The following ARHGAP29 variants were observed in gnomAD, a reference collection of about 807,000 sequenced individuals.
The protein encoded by ARHGAP29 is Rho GTPase activating protein 29, also known as rho GTPase-activating protein 29.
Under a neutral mutation model 122.6 loss-of-function variants are expected in ARHGAP29, and 43 were observed. That is an observed-to-expected ratio of 0.35 (90% CI 0.27 to 0.45). The LOEUF is 0.45. ARHGAP29 is among the 20% of genes least tolerant of loss of function. ARHGAP29 has a pLI of 1.00. For missense variants in ARHGAP29, 1,303 were observed against 1,477.2 expected, an observed-to-expected ratio of 0.88 and a Z score of 1.93; for synonymous variants, 506 against 497.1, an observed-to-expected ratio of 1.02 and a Z score of -0.24.
chr1:94,196,034 G>A (rs1191466766), intron 12 of ARHGAP29: 3 of 152,038 alleles, frequency 2.0e-5, no homozygotes, highest in East Asian at 1.9e-4. Flanking sequence ...ATATGTTGGA[G>A]ACTTCAAAAC....
At position 94,190,954 on chromosome 1, in the gene ARHGAP29, TTC is replaced by T. The variant is rs576532189; in HGVS notation, c.1282-873_1282-872del. 13 of 152,248 alleles carry T rather than the reference TTC, an allele frequency of 8.5e-5. No individual in the cohort carries two copies. The East Asian group carries it at 2.5e-3, about 29-fold the overall frequency. The allele number at this position is 152,248 out of a possible 1,614,324, so 9.4% of individuals were successfully genotyped here. A position where few individuals can be genotyped will look rare whatever the true frequency, so the allele number is the denominator to read the frequency against. On this transcript the variant is annotated intron_variant, in intron 12 of 22. Transcript: ENST00000260526. The stretch of plus-strand genomic sequence containing the variant: ...TCCAACATGGTAAATTAGGGAAGGC[TTC>T]TCTGAGGAGGTAACATTTGAACTGC...
chr1:94,241,675 G>GAT (rs1185118743), upstream of ARHGAP29, among the ~76,000 whole-genome samples: 2 of 139,140 alleles, frequency 1.4e-5, no homozygotes, highest in Non-Finnish European at 3.1e-5. Context: ...AATTATATAT[G>GAT]ATATATATAA....
At chr1:94,228,265 T>C (rs1308316270) in intron 2 of ARHGAP29, among the ~76,000 whole-genome samples, 1 of 151,768 alleles carries the variant, frequency 6.6e-6, no homozygotes, top group African/African-American at 2.4e-5. Flanking sequence ...CTTGGGAAAT[T>C]TTCATTAATT....
chr1:94,200,757 T>C (rs567107883), intron 12 of ARHGAP29, among the ~76,000 whole-genome samples: 1 of 152,306 alleles, frequency 6.6e-6, no homozygotes, highest in Non-Finnish European at 1.5e-5. Context: ...AAAGGCATTA[T>C]GCTGAGTAAA....
At chr1:94,262,995 A>C (rs1654621125) in intron 1 of ARHGAP29, among the ~76,000 whole-genome samples, 1 of 152,230 alleles carries the variant, frequency 6.6e-6, no homozygotes. Context: ...GAATCAACCT[A>C]AATGCCCATC....
At chr1:94,274,249 G>A (rs943170137) in intron 1 of ARHGAP29, among the ~76,000 whole-genome samples, 11 of 152,142 alleles carry the variant, frequency 7.2e-5, no homozygotes, top group Admixed American at 2.6e-4. Context: ...TTGTCGTATC[G>A]TGAAAGCAGC....
intron 1 of ARHGAP29, among the ~76,000 whole-genome samples, chr1:94,244,649 A>C (rs935973290): frequency 6.6e-6 from 1 of 151,754 alleles, no homozygotes; most frequent in Non-Finnish European, 1.5e-5. Context: ...TGGGGACTTA[A>C]AAAAAAATCT....
At chr1:94,312,182 T>G in the ARHGAP29 span, among the ~76,000 whole-genome samples, 1 of 151,994 alleles carries the variant, frequency 6.6e-6, no homozygotes, top group Admixed American at 6.6e-5. Context: ...TTGACTATAT[T>G]CCAGTCAGGC....
At chr1:94,180,240 T>C (rs1178418855) in intron 19 of ARHGAP29, among the ~76,000 whole-genome samples, 4 of 152,172 alleles carry the variant, frequency 2.6e-5, no homozygotes, top group South Asian at 2.1e-4. Flanking sequence ...GTATATATCC[T>C]ATAGCAATCA....
chr1:94,286,560 C>T, the ARHGAP29 span, among the ~76,000 whole-genome samples: 20 of 151,876 alleles, frequency 1.3e-4, 1 homozygote, highest in African/African-American at 4.4e-4. Flanking sequence ...CCCAGCTACT[C>T]GAGAGGCTGA....
chr1:94,264,477 G>A (rs1654683906), intron 1 of ARHGAP29, among the ~76,000 whole-genome samples: 1 of 150,264 alleles, frequency 6.7e-6, no homozygotes, highest in Admixed American at 6.6e-5. Flanking sequence ...AGACACAGAT[G>A]CTTTGGTGTG....
Position 94,203,085 on chromosome 1 carries a change from T to C in ARHGAP29, c.873+15A>G. 6.2e-7 allele frequency: 1 copy of C among 1,601,186 alleles called. No homozygotes were observed. The highest frequency in any genetic ancestry group is 8.5e-7 in the Non-Finnish European group (1 of 1,174,868). ...TAAAAATAAAAGTGCATTATACATA[T>C]AAATTAATCTTTACCTGCACAAATT... On this transcript the variant is annotated intron_variant, in intron 9 of 22. Coordinates refer to ENST00000260526, the MANE Select transcript of ARHGAP29 (RefSeq NM_004815.4).
intron 4 of ARHGAP29, among the ~76,000 whole-genome samples, 175 bp from the exon 5 acceptor site, chr1:94,209,079 G>C (rs567027636): frequency 6.6e-6 from 1 of 152,242 alleles, no homozygotes; most frequent in East Asian, 1.9e-4. Context: ...CTTCTAAATA[G>C]CTATAAAAAT....
At chr1:94,182,726 T>A (rs1649554016) in intron 19 of ARHGAP29, among the ~76,000 whole-genome samples, 1 of 152,112 alleles carries the variant, frequency 6.6e-6, no homozygotes. Context: ...GAGTAGAATA[T>A]AAAGACATTC....
intron 3 of ARHGAP29, among the ~76,000 whole-genome samples, chr1:94,212,722 G>C (rs982751770): frequency 3.3e-5 from 5 of 152,072 alleles, no homozygotes; most frequent in African/African-American, 1.2e-4. Flanking sequence ...CGAAGTTATA[G>C]CCATCTAATG....
At chr1:94,211,302 A>AC (rs1400248622) in intron 3 of ARHGAP29, among the ~76,000 whole-genome samples, 32 of 150,078 alleles carry the variant, frequency 2.1e-4, no homozygotes, top group African/African-American at 4.6e-4. Context: ...AAAAAAAAAA[A>AC]AAAAAAAAAA....
rs115041775 is a variant in ARHGAP29, at chr1:94,222,018, A to C, written c.206-1626T>G. Among the ~76,000 whole-genome samples the C allele has an allele frequency of 9.7e-3, 1,466 of 151,888 alleles. 21 individuals are homozygous for C. The highest frequency in any genetic ancestry group is 0.034 in the African/African-American group (1,394 of 41,446). ...AAACAAACAACAAAAAACACCCCCC[A>C]GTGAGGAGGGCATGTCAAAGGTGCA... On this transcript the variant is annotated intron_variant, in intron 2 of 22. Coordinates refer to ENST00000260526, the MANE Select transcript of ARHGAP29 (RefSeq NM_004815.4).
At chr1:94,232,581 A>G (rs1652985643) in intron 1 of ARHGAP29, among the ~76,000 whole-genome samples, 1 of 152,154 alleles carries the variant, frequency 6.6e-6, no homozygotes, top group African/African-American at 2.4e-5. Context: ...TGGCTCTAGT[A>G]TTTTCTAGAT....
At chr1:94,187,550 G>A (rs559179480) in intron 15 of ARHGAP29, among the ~76,000 whole-genome samples, 2 of 152,090 alleles carry the variant, frequency 1.3e-5, no homozygotes, top group African/African-American at 4.8e-5. Flanking sequence ...CCCAAATGGA[G>A]GAAACAAGCA....
Sources: allele counts gnomAD v4.1 joint callset (sites outside exome capture counted in the v4.1 genomes callset), GRCh38; gene constraint gnomAD v4.1.1; transcripts MANE v1.5; gene names NCBI Gene and HGNC (gene_info 2026-07-23, HGNC 2026-07-21).